The following SORCS2 variants were observed in gnomAD, a reference collection of about 807,000 sequenced individuals.
SORCS2 encodes sortilin related VPS10 domain containing receptor 2.
A neutral mutation model predicts 141.6 loss-of-function variants in SORCS2; 100 were observed. That is an observed-to-expected ratio of 0.71 (90% confidence interval 0.60 to 0.83). The LOEUF is 0.83. Ranked by LOEUF, SORCS2 falls within the 40% of genes least tolerant of loss-of-function variation. The pLI, the probability that SORCS2 is intolerant of heterozygous loss-of-function variation, is 0.00. For synonymous variants in SORCS2, 789 were observed against 676.9 expected (o/e 1.17, Z -2.57); for missense variants, 1,646 against 1,560.2 (o/e 1.05, Z -0.93).
intron 2 of SORCS2, among the ~76,000 whole-genome samples, chr4:7,469,832 C>T (rs1289950602): frequency 1.3e-5 from 2 of 152,214 alleles, no homozygotes; most frequent in Non-Finnish European, 2.9e-5. Flanking sequence ...CAATCACTGC[C>T]TGGCATCTCA....
intron 1 of SORCS2, among the ~76,000 whole-genome samples, chr4:7,200,044 C>T (rs1239328495): frequency 3.3e-5 from 5 of 152,078 alleles, no homozygotes; most frequent in African/African-American, 2.4e-5. Flanking sequence ...GGATTGTCTT[C>T]GGTTGCCCCG....
At chr4:7,330,206 C>T (rs1178608029) in intron 1 of SORCS2, among the ~76,000 whole-genome samples, 1 of 151,890 alleles carries the variant, frequency 6.6e-6, no homozygotes, top group Non-Finnish European at 1.5e-5. Context: ...GCATTAGGGC[C>T]ATCTGGATAA....
intron 3 of SORCS2, among the ~76,000 whole-genome samples, chr4:7,637,398 C>T (rs540460250): frequency 2.0e-5 from 3 of 152,334 alleles, no homozygotes; most frequent in East Asian, 1.9e-4. Flanking sequence ...ACTCTCTCCC[C>T]GTCCGTCCCT....
intron 23 of SORCS2, among the ~76,000 whole-genome samples, chr4:7,732,447 C>T (rs1280314746): frequency 6.6e-6 from 1 of 152,184 alleles, no homozygotes; most frequent in Admixed American, 6.5e-5. Context: ...GCATTTGTCA[C>T]GTCACGCAGA....
At chr4:7,485,782 T>A (rs1397528089) in intron 2 of SORCS2, among the ~76,000 whole-genome samples, 1 of 152,074 alleles carries the variant, frequency 6.6e-6, no homozygotes, top group Non-Finnish European at 1.5e-5. Context: ...GGGAGCCCGA[T>A]GAGGCTCCCA....
chr4:7,457,622 G>A (rs1253481593), intron 2 of SORCS2, among the ~76,000 whole-genome samples: 2 of 151,838 alleles, frequency 1.3e-5, no homozygotes, highest in African/African-American at 2.4e-5. Flanking sequence ...AGTGAGCATT[G>A]CAAGCTGACA....
chr4:7,560,385 G>A (rs551939609), intron 3 of SORCS2, among the ~76,000 whole-genome samples: 4 of 152,224 alleles, frequency 2.6e-5, no homozygotes, highest in Non-Finnish European at 4.4e-5. Flanking sequence ...GGCAGGTGGT[G>A]GTAGAAAGAA....
chr4:7,434,982 C>A, intron 2 of SORCS2: 3 of 1,383,218 alleles, frequency 2.2e-6, no homozygotes, highest in Non-Finnish European at 2.9e-6. Context: ...GGCGGCCCCA[C>A]CTCCTGGCCA....
intron 5 of SORCS2, among the ~76,000 whole-genome samples, chr4:7,657,952 G>T (rs1016533715): frequency 1.3e-5 from 2 of 151,772 alleles, no homozygotes; most frequent in African/African-American, 4.8e-5. Context: ...GTGAGTGGAC[G>T]AGTGATTAGT....
chr4:7,513,118 C>T (rs374948345), intron 2 of SORCS2, among the ~76,000 whole-genome samples: 1 of 152,206 alleles, frequency 6.6e-6, no homozygotes, highest in African/African-American at 2.4e-5. Context: ...TCACACTACT[C>T]GCTGTGGGAT....
intron 2 of SORCS2, among the ~76,000 whole-genome samples, chr4:7,464,863 G>A (rs1729522242): frequency 6.6e-6 from 1 of 152,362 alleles, no homozygotes; most frequent in South Asian, 2.1e-4. Context: ...TGGGGAATGG[G>A]AGAGGTGGGT....
intron 2 of SORCS2, among the ~76,000 whole-genome samples, chr4:7,483,829 G>A (rs1730808430): frequency 6.6e-6 from 1 of 152,120 alleles, no homozygotes; most frequent in African/African-American, 2.4e-5. Context: ...ACGGGTTGAT[G>A]GGTGCAGCAA....
intron 1 of SORCS2, among the ~76,000 whole-genome samples, chr4:7,258,209 T>C (rs1000901038): frequency 6.6e-6 from 1 of 152,234 alleles, no homozygotes; most frequent in Non-Finnish European, 1.5e-5. Flanking sequence ...GCAGGTTTGT[T>C]ACGTAGGTAC....
intron 4 of SORCS2, among the ~76,000 whole-genome samples, chr4:7,652,032 G>A (rs1371614125): frequency 4.6e-5 from 7 of 152,340 alleles, no homozygotes; most frequent in African/African-American, 1.2e-4. Flanking sequence ...TTGCGGTAGC[G>A]TTGCCAGCAC....
chr4:7,243,373 A>T (rs1436166442), intron 1 of SORCS2, among the ~76,000 whole-genome samples: 1 of 152,124 alleles, frequency 6.6e-6, no homozygotes, highest in Non-Finnish European at 1.5e-5. Flanking sequence ...CCCCTGCGTG[A>T]TGGTCTCCAA....
At chr4:7,357,472 T>C (rs896376839) in intron 1 of SORCS2, among the ~76,000 whole-genome samples, 2 of 152,204 alleles carry the variant, frequency 1.3e-5, no homozygotes, top group Non-Finnish European at 2.9e-5. Context: ...GCTGGAGCTC[T>C]GGAGATGGAG....
chr4:7,405,463 A>G (rs1225979937), intron 2 of SORCS2, among the ~76,000 whole-genome samples: 1 of 152,168 alleles, frequency 6.6e-6, no homozygotes, highest in African/African-American at 2.4e-5. Flanking sequence ...TTTTAACAGT[A>G]TTAATTCTTC....
chr4:7,401,358 G>T (rs116363824), intron 2 of SORCS2, among the ~76,000 whole-genome samples: 106 of 152,254 alleles, frequency 7.0e-4, no homozygotes, highest in African/African-American at 2.5e-3. Flanking sequence ...CTGATGGATG[G>T]ACAGATGGAT....
chr4:7,301,304 C>T (rs577082631), intron 1 of SORCS2, among the ~76,000 whole-genome samples: 2 of 152,232 alleles, frequency 1.3e-5, no homozygotes, highest in Non-Finnish European at 2.9e-5. Flanking sequence ...AACACTGCCA[C>T]TCTCATGGAG....
Sources: allele counts gnomAD v4.1 joint callset (sites outside exome capture counted in the v4.1 genomes callset), GRCh38; gene constraint gnomAD v4.1.1; transcripts MANE v1.5; gene names NCBI Gene and HGNC (gene_info 2026-07-23, HGNC 2026-07-21).